NEMP1: variants seen among roughly 807,000 people sequenced by gnomAD.
NEMP1 encodes the protein nuclear envelope integral membrane protein 1, also known as transmembrane protein 194.
In NEMP1, 29 loss-of-function variants were observed where a neutral mutation model predicts 53.7. The observed-to-expected ratio is 0.54, with a 90% CI of 0.40 to 0.74. The LOEUF (loss-of-function observed/expected upper bound fraction) is 0.74, where lower values mean the gene tolerates loss of function less well. NEMP1 is among the 30% of genes least tolerant of loss of function. The pLI, the probability that NEMP1 is intolerant of heterozygous loss-of-function variation, is 0.00. For missense variants in NEMP1, 477 were observed against 528.6 expected, an observed-to-expected ratio of 0.90 and a Z score of 0.96; for synonymous variants, 193 against 192.9, an observed-to-expected ratio of 1.00 and a Z score of 0.00.
At chr12:57,087,315 AG>A (rs946310579) in intron 1 of NEMP1, among the ~76,000 whole-genome samples, 4 of 136,484 alleles carry the variant, frequency 2.9e-5, no homozygotes, top group African/African-American at 1.1e-4. Context: ...GGTGGGAGGG[AG>A]GGGGGCGCCT....
intron 4 of NEMP1, among the ~76,000 whole-genome samples, chr12:57,065,459 A>C (rs1411615232): frequency 1.3e-5 from 2 of 151,862 alleles, no homozygotes; most frequent in Non-Finnish European, 2.9e-5. Flanking sequence ...CACTTTCAAC[A>C]ATGATGTTAG....
intron 7 of NEMP1, among the ~76,000 whole-genome samples, chr12:57,061,708 A>AC (rs397961059): frequency 1.0e-4 from 15 of 145,480 alleles, no homozygotes; most frequent in South Asian, 4.4e-4. Flanking sequence ...AAAAAAAAAA[A>AC]CAAAAAAAAA....
At chr12:57,060,988 CT>C in intron 7 of NEMP1, 43 bp from the exon 8 acceptor site, 1 of 1,591,252 alleles carries the variant, frequency 6.3e-7, no homozygotes, top group Non-Finnish European at 8.6e-7. Context: ...AATCAGTAAT[CT>C]ATATCCATCC....
upstream of NEMP1, among the ~76,000 whole-genome samples, chr12:57,083,610 A>C (rs1306660682): frequency 6.6e-6 from 1 of 152,256 alleles, no homozygotes; most frequent in African/African-American, 2.4e-5. Context: ...CCAGTAATCA[A>C]ACAAATTAAT....
In NEMP1 at chr12:57,057,688, A is replaced by G. The variant is rs1160581911; in HGVS notation, c.*2191T>C. 6.6e-6 allele frequency: 1 copy of G among 152,234 alleles called. No individual in the cohort carries two copies. Among genetic ancestry groups the G allele is most frequent in the Non-Finnish European group, 1.5e-5 (1 of 68,036 alleles). The allele number at this position is 152,234 out of a possible 1,614,324, so 9.4% of individuals were successfully genotyped here. On this transcript the variant is annotated 3_prime_UTR_variant, in exon 9 of 9. Transcript: ENST00000300128. ...AAAACAGTTTGATTTTATTCACCTC[A>G]AGTCTAAACACGGTGGAAAAAAAAC...
intron 1 of NEMP1, among the ~76,000 whole-genome samples, chr12:57,073,235 C>A (rs2032437216): frequency 6.6e-6 from 1 of 151,458 alleles, no homozygotes; most frequent in Non-Finnish European, 1.5e-5. Context: ...TGGTTCACTG[C>A]AAGCTCCGCC....
At chr12:57,080,554 G>A (rs1218127462), upstream of NEMP1, among the ~76,000 whole-genome samples, 1 of 149,938 alleles carries the variant, frequency 6.7e-6, no homozygotes, top group Non-Finnish European at 1.5e-5. Context: ...ACTCCAGACT[G>A]GGTGACAGAG....
intron 7 of NEMP1, among the ~76,000 whole-genome samples, chr12:57,061,429 C>A (rs2031795571): frequency 6.6e-6 from 1 of 152,170 alleles, no homozygotes; most frequent in African/African-American, 2.4e-5. Context: ...CACAGTGGCT[C>A]ACGCCTATAA....
rs547722231 is a variant in NEMP1 at position 57,085,146 on chromosome 12, G to A, written n.113+2805C>T. Among the ~76,000 whole-genome samples, 225 of 152,240 alleles carry A rather than the reference G, an allele frequency of 1.5e-3. 1 individual carries two copies. The highest frequency in any genetic ancestry group is 2.1e-3 in the Non-Finnish European group (141 of 68,006). On this transcript the variant is annotated intron_variant and non_coding_transcript_variant, in intron 1 of 2. Transcript: ENST00000553654. ...TGGAAATGCACTTTCTGGCCTCTCT[G>A]ACTTGACTTCCCTTCCTCCTAGAAT...
At chr12:57,072,594 G>A (rs184325336) in intron 2 of NEMP1, among the ~76,000 whole-genome samples, 194 bp downstream of exon 2, 7 of 152,312 alleles carry the variant, frequency 4.6e-5, no homozygotes, top group African/African-American at 1.2e-4. Context: ...ATCTACTTGA[G>A]GGAGCAGAGA....
intron 1 of NEMP1, among the ~76,000 whole-genome samples, chr12:57,086,428 C>T (rs1565670121): frequency 6.6e-6 from 1 of 152,088 alleles, no homozygotes; most frequent in South Asian, 2.1e-4. Context: ...AGAAGTGGTC[C>T]TTCTTTGAGT....
chr12:57,081,784 G>A (rs1418876369), upstream of NEMP1, among the ~76,000 whole-genome samples: 2 of 151,224 alleles, frequency 1.3e-5, no homozygotes, highest in Non-Finnish European at 2.9e-5. Context: ...GCAGGTACCT[G>A]TAGTCCCAGC....
chr12:57,067,678 T>C lies in NEMP1; in HGVS notation c.545+1556A>G, dbSNP rs761728500. ...CAGAGAACTGTAGAGACTGATGCTA[T>C]GTAGTTACTGCCAGATTATGAAGAT... On this transcript the variant is annotated intron_variant, in intron 4 of 8. Transcript: ENST00000300128. 2.6e-4 allele frequency among the ~76,000 whole-genome samples: 40 copies of C among 152,244 alleles called. 1 individual carries two copies. The highest frequency in any genetic ancestry group is 7.3e-5 in the Non-Finnish European group (5 of 68,040).
At chr12:57,085,833 C>A (rs1342735254) in intron 1 of NEMP1, among the ~76,000 whole-genome samples, 1 of 152,234 alleles carries the variant, frequency 6.6e-6, no homozygotes, top group Non-Finnish European at 1.5e-5. Context: ...AATGTCTTCA[C>A]TTAAACAGTT....
intron 3 of NEMP1, among the ~76,000 whole-genome samples, chr12:57,070,427 G>A (rs1298023493): frequency 6.6e-6 from 1 of 152,202 alleles, no homozygotes; most frequent in Non-Finnish European, 1.5e-5. Flanking sequence ...GGGAATAAAA[G>A]AATAAAAGTC....
At chr12:57,073,161 ATT>A (rs1202743038) in intron 1 of NEMP1, among the ~76,000 whole-genome samples, 17 of 142,290 alleles carry the variant, frequency 1.2e-4, no homozygotes, top group Admixed American at 1.4e-4. Context: ...TTAAGTATCT[ATT>A]TTTTTTTTTT....
At chr12:57,076,674 G>A (rs1372179983) in intron 1 of NEMP1, among the ~76,000 whole-genome samples, 1 of 152,142 alleles carries the variant, frequency 6.6e-6, no homozygotes, top group Non-Finnish European at 1.5e-5. Context: ...AGGCATGGTG[G>A]CATGCGCCTA....
chr12:57,086,331 G>A lies in NEMP1; in HGVS notation n.113+1620C>T, dbSNP rs1195252541. On this transcript the variant is annotated intron_variant and non_coding_transcript_variant, in intron 1 of 2. Transcript: ENST00000553654. ...ACGGAGGAGACCAGCACAGATAAAA[G>A]AATATTAATCCTTTTTATCACGAGA... Among the ~76,000 whole-genome samples, 2 of 152,290 alleles carry A rather than the reference G, an allele frequency of 1.3e-5. 1 individual carries two copies. The highest frequency in any genetic ancestry group is 3.9e-4 in the East Asian group (2 of 5,184).
At chr12:57,075,797 C>T (rs2032587588) in intron 1 of NEMP1, among the ~76,000 whole-genome samples, 1 of 149,940 alleles carries the variant, frequency 6.7e-6, no homozygotes, top group African/African-American at 2.5e-5. Context: ...CGAAATCCCA[C>T]TCTACTAAAA....
Sources: allele counts gnomAD v4.1 joint callset (sites outside exome capture counted in the v4.1 genomes callset), GRCh38; gene constraint gnomAD v4.1.1; transcripts MANE v1.5; gene names NCBI Gene and HGNC (gene_info 2026-07-23, HGNC 2026-07-21).